CHIC1: variants seen among roughly 807,000 people sequenced by gnomAD.
CHIC1 encodes the protein cysteine-rich hydrophobic domain-containing protein 1.
In CHIC1, 7 loss-of-function variants were observed where a neutral mutation model predicts 18.5. The observed-to-expected ratio is 0.38, with a 90% CI of 0.22 to 0.71. The LOEUF is 0.71. Among genes scored for constraint, CHIC1 ranks in the 30% least tolerant of loss-of-function variants. The pLI is 0.49. For missense variants in CHIC1, 159 were observed against 176.9 expected, an observed-to-expected ratio of 0.90 and a Z score of 0.57; for synonymous variants, 77 against 73.5, an observed-to-expected ratio of 1.05 and a Z score of -0.25.
intron 3 of CHIC1, among the ~76,000 whole-genome samples, chrX:73,603,462 T>G (rs1426634046): frequency 1.8e-5 from 2 of 108,225 alleles, no homozygotes; most frequent in East Asian, 5.7e-4. Context: ...ACTATTTGAC[T>G]TCCTCTCTTC....
intron 3 of CHIC1, among the ~76,000 whole-genome samples, chrX:73,644,232 C>T (rs770371100): frequency 1.8e-5 from 2 of 111,899 alleles, no homozygotes; most frequent in East Asian, 2.8e-4. Flanking sequence ...GCTGCCTGAT[C>T]GTTCCTCTGG....
chrX:73,613,468 T>C (rs2057718431), intron 3 of CHIC1, among the ~76,000 whole-genome samples: 1 of 111,139 alleles, frequency 9.0e-6, no homozygotes, highest in African/African-American at 3.3e-5. Context: ...ATCATATGAT[T>C]TGTGCACATG....
chrX:73,573,732 C>A, intron 1 of CHIC1, among the ~76,000 whole-genome samples: 1 of 110,663 alleles, frequency 9.0e-6, no homozygotes, highest in Non-Finnish European at 1.9e-5. Context: ...TCAGCTTAAA[C>A]GTTATTGGTG....
intron 3 of CHIC1, among the ~76,000 whole-genome samples, chrX:73,655,645 GTGTGTATATATA>G (rs1418686752): frequency 3.0e-5 from 1 of 32,842 alleles, no homozygotes; most frequent in African/African-American, 1.1e-4. Flanking sequence ...GTGTGTGTGT[GTGTGTATATATA>G]TATATATATA....
chrX:73,668,028 A>T, intron 3 of CHIC1, among the ~76,000 whole-genome samples: 1 of 111,585 alleles, frequency 9.0e-6, no homozygotes, highest in Non-Finnish European at 1.9e-5. Context: ...GCTTTACATA[A>T]TTCCATATTT....
intron 2 of CHIC1, among the ~76,000 whole-genome samples, chrX:73,582,365 C>G (rs766913080): frequency 1.8e-5 from 2 of 109,620 alleles, no homozygotes; most frequent in Admixed American, 2.0e-4. Flanking sequence ...ATTTGGTTGC[C>G]CAATGATTCC....
intron 1 of CHIC1, among the ~76,000 whole-genome samples, 152 bp downstream of exon 1, chrX:73,563,732 A>G (rs1603338920): frequency 9.0e-6 from 1 of 111,201 alleles, no homozygotes; most frequent in East Asian, 2.9e-4. Flanking sequence ...TGGGGAAACC[A>G]TGGGTGGATA....
At chrX:73,660,460 G>A (rs1171748400) in intron 3 of CHIC1, among the ~76,000 whole-genome samples, 1 of 112,151 alleles carries the variant, frequency 8.9e-6, no homozygotes, top group East Asian at 2.8e-4. Context: ...AGCAGGTACA[G>A]GTTGCAGACA....
At chrX:73,655,233 G>A (rs946886329) in intron 3 of CHIC1, among the ~76,000 whole-genome samples, 7 of 108,013 alleles carry the variant, frequency 6.5e-5, no homozygotes, top group Non-Finnish European at 1.3e-4. Context: ...GGATACAATC[G>A]CATTCCTTTT....
At chrX:73,615,029 G>T (rs910911057) in intron 3 of CHIC1, among the ~76,000 whole-genome samples, 4 of 111,178 alleles carry the variant, frequency 3.6e-5, no homozygotes, top group Non-Finnish European at 7.5e-5. Flanking sequence ...TTGCTTTTTA[G>T]GGGAGGACTT....
intron 3 of CHIC1, among the ~76,000 whole-genome samples, chrX:73,655,302 GTGTA>G (rs1254269730): frequency 9.7e-6 from 1 of 103,366 alleles, no homozygotes; most frequent in African/African-American, 3.5e-5. Context: ...GTGTGTATGT[GTGTA>G]TGTATATATA....
intron 3 of CHIC1, among the ~76,000 whole-genome samples, chrX:73,653,643 C>T (rs752448952): frequency 9.8e-5 from 11 of 112,144 alleles, no homozygotes; most frequent in South Asian, 3.7e-4. Flanking sequence ...TATATTGCTT[C>T]GGGTAGTGTG....
At chrX:73,566,160 A>G (rs1303320637) in intron 1 of CHIC1, among the ~76,000 whole-genome samples, 1 of 108,925 alleles carries the variant, frequency 9.2e-6, no homozygotes, top group African/African-American at 3.4e-5. Flanking sequence ...TATCTCTTAG[A>G]TTTTTCATTT....
At chrX:73,623,586 C>T (rs1027675088) in intron 3 of CHIC1, among the ~76,000 whole-genome samples, 4 of 109,803 alleles carry the variant, frequency 3.6e-5, no homozygotes, top group Middle Eastern at 9.5e-3. Context: ...GAATTTTTTA[C>T]AAGGTTGATT....
Position 73,678,531 on chromosome X carries a change from G to A in CHIC1, c.508-795G>A, listed in dbSNP as rs760198057. Among the ~76,000 whole-genome samples, 5 of 112,206 alleles carry A rather than the reference G, an allele frequency of 4.5e-5. No individual in the cohort carries two copies. In the South Asian group the frequency reaches 1.9e-3, roughly 42 times the overall value. On this transcript the variant is annotated intron_variant, in intron 3 of 5. Transcript: ENST00000373502. ...GGGGGAGGACGTAGGTGCTGGCAGTGTCTGCAGTGGGCCAGTGGGTGGGTC... is the reference window on the plus strand; with the variant it reads ...GGGGGAGGACGTAGGTGCTGGCAGTATCTGCAGTGGGCCAGTGGGTGGGTC...
chrX:73,583,205 C>T (rs759786025), intron 2 of CHIC1, among the ~76,000 whole-genome samples: 161 of 111,077 alleles, frequency 1.4e-3, no homozygotes, highest in Non-Finnish European at 2.7e-3. Context: ...TATTGAGTGA[C>T]ATGAACAATT....
At chrX:73,671,139 T>G (rs1477825187) in intron 3 of CHIC1, among the ~76,000 whole-genome samples, 2 of 112,023 alleles carry the variant, frequency 1.8e-5, no homozygotes. Flanking sequence ...TCTCCTGGCC[T>G]GCAAGGTTTC....
At chrX:73,656,216 A>C (rs2057948227) in intron 3 of CHIC1, among the ~76,000 whole-genome samples, 1 of 111,626 alleles carries the variant, frequency 9.0e-6, no homozygotes, top group Non-Finnish European at 1.9e-5. Flanking sequence ...TTTCAGATGG[A>C]TGGATTGCAA....
chrX:73,591,349 A>G (rs146266193), intron 3 of CHIC1, among the ~76,000 whole-genome samples: 17 of 109,900 alleles, frequency 1.5e-4, no homozygotes, highest in African/African-American at 5.3e-4. Context: ...TCACTCACCA[A>G]TTTCTGGAGG....
Sources: gnomAD v4.1 joint callset for allele counts (sites outside exome capture counted in the v4.1 genomes callset) on GRCh38, gnomAD v4.1.1 for gene constraint, MANE v1.5 for transcripts, NCBI Gene and HGNC (gene_info 2026-07-23, HGNC 2026-07-21) for gene names.